The following THEMIS variants were observed in gnomAD, a reference collection of about 807,000 sequenced individuals.
THEMIS encodes thymocyte selection associated.
A neutral mutation model predicts 52.6 loss-of-function variants in THEMIS; 37 were observed. That is an observed-to-expected ratio of 0.70 (90% CI 0.54 to 0.93). The LOEUF (loss-of-function observed/expected upper bound fraction) is 0.93, where lower values mean the gene tolerates loss of function less well. Among genes scored for constraint, THEMIS ranks in the 40% least tolerant of loss-of-function variants. THEMIS has a pLI of 0.00. For missense variants in THEMIS, 808 were observed against 763.1 expected (o/e 1.06, Z -0.69); for synonymous variants, 292 against 272.7 (o/e 1.07, Z -0.70).
chr6:127,761,755 TATGTCTAGTG>T (rs148423109), intron 4 of THEMIS, among the ~76,000 whole-genome samples: 2,620 of 152,234 alleles, frequency 0.017, 82 homozygotes, highest in African/African-American at 0.06. Context: ...TCTTTGCTGC[TATGTCTAGTG>T]ATCTCTCTTT....
chr6:127,787,880 T>TAGATATAG (rs200767496), intron 4 of THEMIS, among the ~76,000 whole-genome samples: 3,006 of 119,822 alleles, frequency 0.025, 62 homozygotes, highest in African/African-American at 0.047. Context: ...GATAGATAGA[T>TAGATATAG]ATAGATAGAT....
intron 3 of THEMIS, among the ~76,000 whole-genome samples, chr6:127,828,428 T>C (rs1778581905): frequency 1.3e-5 from 2 of 152,122 alleles, no homozygotes; most frequent in South Asian, 4.1e-4. Flanking sequence ...CAAAAGAGTA[T>C]CATCATTTTC....
intron 1 of THEMIS, among the ~76,000 whole-genome samples, chr6:127,866,073 G>T (rs1225965791): frequency 6.6e-6 from 1 of 152,000 alleles, no homozygotes; most frequent in Non-Finnish European, 1.5e-5. Context: ...GGGTGGAAAT[G>T]CAGTGTTGTA....
At chr6:127,862,428 A>ATTTTGT (rs1779834211) in intron 1 of THEMIS, among the ~76,000 whole-genome samples, 1 of 72,808 alleles carries the variant, frequency 1.4e-5, no homozygotes, top group African/African-American at 4.8e-5. Flanking sequence ...TAGGGAGTAA[A>ATTTTGT]TTTTTTTTTT....
chr6:127,824,264 G>A (rs767215668), intron 3 of THEMIS, among the ~76,000 whole-genome samples: 2 of 152,116 alleles, frequency 1.3e-5, no homozygotes, highest in Non-Finnish European at 2.9e-5. Context: ...AAGTGAAGGA[G>A]TTAATTATAA....
At chr6:127,820,344 T>C (rs1234591813) in intron 3 of THEMIS, among the ~76,000 whole-genome samples, 1 of 151,884 alleles carries the variant, frequency 6.6e-6, no homozygotes, top group Non-Finnish European at 1.5e-5. Context: ...TAAGATAGAA[T>C]AGGAGAGGGT....
In THEMIS at chr6:127,768,599, A is replaced by T. The variant is rs375306826; in HGVS notation, c.1758+44284T>A. Reference sequence around the variant, plus strand: ...ATAAAAGAATAGAGGCAACGTGTGAAACAGACCTTCAAATATTATTAATTA... The same window carrying T: ...ATAAAAGAATAGAGGCAACGTGTGATACAGACCTTCAAATATTATTAATTA... On this transcript the variant is annotated intron_variant, in intron 4 of 5. Coordinates refer to ENST00000368248, the MANE Select transcript of THEMIS (RefSeq NM_001010923.3). 5.8e-4 allele frequency among the ~76,000 whole-genome samples: 89 copies of T among 152,350 alleles called. 2 individuals are homozygous for T. In the East Asian group the frequency reaches 0.013, roughly 21 times the overall value.
intron 3 of THEMIS, among the ~76,000 whole-genome samples, chr6:127,814,914 T>C (rs557338121): frequency 1.2e-4 from 18 of 152,186 alleles, no homozygotes; most frequent in Non-Finnish European, 2.6e-4. Flanking sequence ...CCCAGCATTT[T>C]GGGAGGCTAA....
intron 3 of THEMIS, among the ~76,000 whole-genome samples, chr6:127,827,370 T>G (rs149339856): frequency 2.0e-5 from 3 of 152,342 alleles, no homozygotes; most frequent in African/African-American, 7.2e-5. Context: ...GTATCTGTCC[T>G]GAAATTGCTA....
At chr6:127,900,692 A>G in intron 1 of THEMIS, 150 bp downstream of exon 1, 2 of 664,274 alleles carry the variant, frequency 3.0e-6, no homozygotes, top group Non-Finnish European at 5.3e-6. Flanking sequence ...GCTTTTGACG[A>G]TTCGTTGGTC....
intron 1 of THEMIS, among the ~76,000 whole-genome samples, chr6:127,880,657 C>T (rs1780456808): frequency 6.7e-6 from 1 of 148,522 alleles, no homozygotes; most frequent in Non-Finnish European, 1.5e-5. Flanking sequence ...CTTTCCTTAA[C>T]TGACATAAAT....
intron 4 of THEMIS, among the ~76,000 whole-genome samples, chr6:127,771,930 A>ATGGAAATG (rs1412193813): frequency 6.6e-6 from 1 of 152,140 alleles, no homozygotes; most frequent in Non-Finnish European, 1.5e-5. Flanking sequence ...ATATGATCAT[A>ATGGAAATG]TGGAAATGTA....
chr6:127,756,080 A>G (rs1029086696), intron 4 of THEMIS, among the ~76,000 whole-genome samples: 11 of 152,014 alleles, frequency 7.2e-5, no homozygotes, highest in Admixed American at 1.3e-4. Flanking sequence ...CCAAAACCAA[A>G]AAACCCAGAA....
chr6:127,840,653 A>T (rs1004282681), intron 2 of THEMIS, among the ~76,000 whole-genome samples: 13 of 152,128 alleles, frequency 8.5e-5, no homozygotes, highest in African/African-American at 3.1e-4. Context: ...CTGCACATGA[A>T]TGTTTATAGC....
intron 2 of THEMIS, among the ~76,000 whole-genome samples, chr6:127,849,594 C>T (rs138341267): frequency 5.3e-4 from 80 of 151,950 alleles, no homozygotes; most frequent in African/African-American, 1.6e-3. Flanking sequence ...AAGCCACATA[C>T]TTACAGTCAG....
chr6:127,798,860 C>T (rs1487279219), intron 4 of THEMIS, among the ~76,000 whole-genome samples: 4 of 151,348 alleles, frequency 2.6e-5, no homozygotes, highest in Admixed American at 1.3e-4. Context: ...GGCGTGGTGG[C>T]GGGCGCCTGT....
Position 127,813,401 on chromosome 6 carries a change from C to CAA in THEMIS, c.1239_1240insTT (p.Glu414LeufsTer23), listed in dbSNP as rs757294144. ...TCATAGGACTTTTTGAGGATTTTTT[C>CAA]ACAGGCCAGAACATTCACCACTTTT... is the stretch of plus-strand genomic sequence containing the variant. On this transcript the variant is annotated frameshift_variant, in exon 4 of 6. Transcript: ENST00000368248. LOFTEE classifies it high-confidence loss of function. 1 of 1,613,456 alleles carries CAA rather than the reference C, an allele frequency of 6.2e-7. No homozygotes were observed. The highest frequency in any genetic ancestry group is 8.5e-7 in the Non-Finnish European group (1 of 1,179,772).
intron 4 of THEMIS, among the ~76,000 whole-genome samples, chr6:127,731,175 T>C (rs1352798416): frequency 6.6e-6 from 1 of 152,222 alleles, no homozygotes; most frequent in African/African-American, 2.4e-5. Context: ...AATTTATTTT[T>C]CCAGGCTTTT....
intron 4 of THEMIS, among the ~76,000 whole-genome samples, chr6:127,798,656 C>A (rs1270511935): frequency 6.6e-6 from 1 of 152,048 alleles, no homozygotes; most frequent in African/African-American, 2.4e-5. Context: ...AGTGAGCCCC[C>A]AATAAATGGT....
Sources: allele counts gnomAD v4.1 joint callset (sites outside exome capture counted in the v4.1 genomes callset), GRCh38; gene constraint gnomAD v4.1.1; transcripts MANE v1.5; gene names NCBI Gene and HGNC (gene_info 2026-07-23, HGNC 2026-07-21).